The following KANSL1 variants were observed in gnomAD, a reference collection of about 807,000 sequenced individuals.
The protein encoded by KANSL1 is KAT8 regulatory NSL complex subunit 1, also known as MLL1/MLL complex subunit KANSL1.
Under a neutral mutation model 103.6 loss-of-function variants are expected in KANSL1, and 22 were observed. The observed-to-expected ratio is 0.21, with a 90% CI of 0.15 to 0.30. The LOEUF (loss-of-function observed/expected upper bound fraction) is 0.30. Ranked by LOEUF, KANSL1 falls within the 10% of genes least tolerant of loss-of-function variation. The pLI is 1.00. For missense variants in KANSL1, 1,337 were observed against 1,399.8 expected (o/e 0.96, Z 0.72); for synonymous variants, 600 against 527.6 (o/e 1.14, Z -1.88).
In KANSL1 at chr17:46,171,214, G is replaced by T. The variant is rs763673329; in HGVS notation, c.930C>A (p.Ala310=). 6.2e-7 allele frequency: 1 copy of T among 1,614,096 alleles called. No homozygotes were observed. Among genetic ancestry groups the T allele is most frequent in the Non-Finnish European group, 8.5e-7 (1 of 1,180,054 alleles). Residue 310 remains alanine, a synonymous_variant, in exon 2 of 15, where the codon GCC becomes GCA. Transcript: ENST00000432791. ...RLQKRLQVVQ[A]KQVERHIQHQ... ...GTTGTATATGCCTCTCAACCTGCTT[G>T]GCTTGCACAACCTGTAAGCGCTTTT... is the stretch of plus-strand genomic sequence containing the variant.
At position 46,082,465 on chromosome 17, in the gene KANSL1, C is replaced by T; in HGVS notation, c.1509G>A (p.Lys503=). 2.5e-6 allele frequency: 4 copies of T among 1,611,418 alleles called. No homozygotes were observed. The highest frequency in any genetic ancestry group is 2.5e-6 in the Non-Finnish European group (3 of 1,177,732). The change falls in exon 4 of 15, where the codon AAG becomes AAA. Residue 503 remains lysine, a synonymous_variant. Transcript: ENST00000432791. ...DLFLPLSSEV[K]TDHGTDKLIE... is the part of the protein sequence containing the mutation. ...CCAATTTATCAGTCCCATGATCTGT[C>T]TTCACCTCAGAACTAAGTGGAAGAA... is the stretch of plus-strand genomic sequence containing the variant.
intron 6 of KANSL1, among the ~76,000 whole-genome samples, chr17:46,062,454 G>A (rs886805947): frequency 4.1e-5 from 6 of 144,852 alleles, no homozygotes; most frequent in Non-Finnish European, 7.5e-5. Context: ...TGACTTCTTG[G>A]TTCAAGCGAT....
At chr17:46,150,789 C>T (rs1208195399) in intron 2 of KANSL1, among the ~76,000 whole-genome samples, 3 of 152,154 alleles carry the variant, frequency 2.0e-5, no homozygotes, top group Non-Finnish European at 4.4e-5. Flanking sequence ...TTTCTGCTTC[C>T]TTATCTTGTG....
At position 46,034,247 on chromosome 17, in the gene KANSL1, A is replaced by G. The variant is rs17574604; in HGVS notation, c.2580T>C (p.Phe860=). 0.19 allele frequency: 304,356 copies of G among 1,613,590 alleles called. 32,776 individuals carry two copies. Among genetic ancestry groups the G allele is most frequent in the Non-Finnish European group, 0.22 (261,206 of 1,179,584 alleles). ...PVRRRRGESS[F]DINNIVIPMS... is the part of the protein sequence containing the mutation. ...TTGGGATGACAATGTTGTTAATATC[A>G]AATGAGCTCTCTCCCCTTCTCCTCC... Residue 860 remains phenylalanine, a synonymous_variant, in exon 11 of 15, where the codon TTT becomes TTC. Transcript: ENST00000432791.
rs907779884 is a variant in KANSL1, at chr17:46,038,945, G to T, written c.2392+82C>A. 126 of 1,492,788 alleles carry T rather than the reference G, an allele frequency of 8.4e-5. No homozygotes were observed. The African/African-American group carries it at 1.6e-3, about 19-fold the overall frequency. 92.5% of individuals were successfully genotyped at this position (1,492,788 alleles called of 1,614,324 possible). On this transcript the variant is annotated intron_variant, in intron 9 of 14. Coordinates refer to ENST00000432791, the MANE Select transcript of KANSL1 (RefSeq NM_015443.4). ...TAGAAAGTGAAGGACAAAGCTGGGG[G>T]TAATTAAGAGAAGCCTAGGCTGCCC... is the stretch of plus-strand genomic sequence containing the variant.
At chr17:46,140,016 A>C (rs2044340973) in intron 2 of KANSL1, among the ~76,000 whole-genome samples, 1 of 152,182 alleles carries the variant, frequency 6.6e-6, no homozygotes, top group African/African-American at 2.4e-5. Flanking sequence ...CTCATAATAA[A>C]ATTTCAAAGT....
intron 6 of KANSL1, among the ~76,000 whole-genome samples, chr17:46,062,123 A>AC (rs2078193396): frequency 7.4e-6 from 1 of 135,088 alleles, no homozygotes; most frequent in Non-Finnish European, 1.6e-5. Flanking sequence ...ACAAACAAAA[A>AC]AAAAAAAAAA....
intron 10 of KANSL1, chr17:46,034,524 C>T: frequency 4.6e-6 from 2 of 436,682 alleles, no homozygotes; most frequent in Non-Finnish European, 8.3e-6. Flanking sequence ...ACTGGTCACC[C>T]TCTTCCTTCA....
At chr17:46,050,789 A>G in intron 6 of KANSL1, 85 bp from the exon 7 acceptor site, 2 of 1,217,032 alleles carry the variant, frequency 1.6e-6, no homozygotes. Context: ...TGTTATTGAG[A>G]AGTTAGCTCC....
Position 46,171,881 on chromosome 17 carries a change from G to A in KANSL1, c.263C>T (p.Thr88Ile). 1 of 1,614,264 alleles carries A rather than the reference G, an allele frequency of 6.2e-7. No homozygotes were observed. Among genetic ancestry groups the A allele is most frequent in the Non-Finnish European group, 8.5e-7 (1 of 1,180,050 alleles). Reference sequence around the variant, plus strand: ...CAAAGACTCCTTTGAGGGAACAGATGTTACATCAGAGCAGAGATAAGATGC... The same window carrying A: ...CAAAGACTCCTTTGAGGGAACAGATATTACATCAGAGCAGAGATAAGATGC... Reference protein sequence around the residue: ...LVASYLCSDVTSVPSKESLKL... With the variant: ...LVASYLCSDVISVPSKESLKL... Residue 88 changes from threonine to isoleucine, a missense_variant, in exon 2 of 15, where the codon ACA (threonine) becomes ATA (isoleucine). Coordinates refer to ENST00000432791, the MANE Select transcript of KANSL1 (RefSeq NM_015443.4).
chr17:46,185,692 T>TATATATACAC (rs754864409), intron 1 of KANSL1, among the ~76,000 whole-genome samples: 1 of 144,312 alleles, frequency 6.9e-6, no homozygotes, highest in African/African-American at 2.7e-5. Flanking sequence ...CACACATATA[T>TATATATACAC]ACACACACAC....
chr17:46,125,211 G>C (rs2043498917), intron 2 of KANSL1, among the ~76,000 whole-genome samples: 1 of 152,132 alleles, frequency 6.6e-6, no homozygotes, highest in Non-Finnish European at 1.5e-5. Flanking sequence ...CCTTCCACCA[G>C]CAAAAAAGAT....
At chr17:46,161,615 G>A (rs150576211) in intron 2 of KANSL1, among the ~76,000 whole-genome samples, 241 of 152,316 alleles carry the variant, frequency 1.6e-3, no homozygotes, top group Middle Eastern at 0.014. Context: ...ATTAAAGGGA[G>A]AGCAAGGAAA....
intron 2 of KANSL1, among the ~76,000 whole-genome samples, chr17:46,129,836 A>C (rs926987196): frequency 1.3e-5 from 2 of 151,810 alleles, no homozygotes; most frequent in African/African-American, 4.8e-5. Context: ...AATTTATAGG[A>C]CTCTCCAAAA....
Position 46,067,484 on chromosome 17 carries a change from A to T in KANSL1, c.1652+65T>A, listed in dbSNP as rs977049011. The T allele has an allele frequency of 1.3e-5, 13 of 979,038 alleles. No homozygotes were observed. In the East Asian group the frequency reaches 2.9e-4, roughly 22 times the overall value. The allele number at this position is 979,038 out of a possible 1,614,324, so 60.6% of individuals were successfully genotyped here. A position where few individuals can be genotyped will look rare whatever the true frequency, so the allele number is the denominator to read the frequency against. On this transcript the variant is annotated intron_variant, in intron 5 of 14. Coordinates refer to ENST00000432791, the MANE Select transcript of KANSL1 (RefSeq NM_015443.4). ...CCAGGGTCAGTCCTGGCTAAAGAGAACTAAGAGCTCCAAAACACCTTTACA... is the reference window on the plus strand; with the variant it reads ...CCAGGGTCAGTCCTGGCTAAAGAGATCTAAGAGCTCCAAAACACCTTTACA...
intron 2 of KANSL1, among the ~76,000 whole-genome samples, chr17:46,096,317 T>TC (rs1426696853): frequency 2.3e-5 from 3 of 133,300 alleles, no homozygotes; most frequent in South Asian, 2.3e-4. Flanking sequence ...TTTTCTTTTT[T>TC]TTTTTTTTTT....
At chr17:46,075,560 T>C (rs1384714100) in intron 4 of KANSL1, among the ~76,000 whole-genome samples, 1 of 152,084 alleles carries the variant, frequency 6.6e-6, no homozygotes, top group Non-Finnish European at 1.5e-5. Context: ...TGGTCTCAAA[T>C]TTCTGTCCTC....
chr17:46,225,185 C>A, upstream of KANSL1, among the ~76,000 whole-genome samples: 1 of 151,986 alleles, frequency 6.6e-6, no homozygotes, highest in Non-Finnish European at 1.5e-5. Flanking sequence ...GCGCCCGCTC[C>A]CCGGGCCCCG....
At chr17:46,192,539 C>T (rs180814097) in intron 1 of KANSL1, 642 of 152,888 alleles carry the variant, frequency 4.2e-3, no homozygotes, top group Non-Finnish European at 7.1e-3. Context: ...TCATGTTCTT[C>T]AGGCCGCCTT....
Sources: allele counts gnomAD v4.1 joint callset (sites outside exome capture counted in the v4.1 genomes callset), GRCh38; gene constraint gnomAD v4.1.1; transcripts MANE v1.5; gene names NCBI Gene and HGNC (gene_info 2026-07-23, HGNC 2026-07-21).